The following ITPR2 variants were observed in gnomAD, a reference collection of about 807,000 sequenced individuals.
The protein encoded by ITPR2 is inositol 1,4,5-trisphosphate receptor type 2.
In ITPR2, 207 loss-of-function variants were observed where a neutral mutation model predicts 317.1. That is an observed-to-expected ratio of 0.65 (90% CI 0.58 to 0.73). The LOEUF (loss-of-function observed/expected upper bound fraction) is 0.73. Ranked by LOEUF, ITPR2 falls within the 30% of genes least tolerant of loss-of-function variation. The pLI, the probability that ITPR2 is intolerant of heterozygous loss-of-function variation, is 0.00. For missense variants in ITPR2, 2,613 were observed against 3,284.0 expected (o/e 0.80, Z 4.99); for synonymous variants, 1,156 against 1,149.1 (o/e 1.01, Z -0.12).
chr12:26,361,371 A>G (rs1327303248), intron 55 of ITPR2, among the ~76,000 whole-genome samples: 1 of 152,180 alleles, frequency 6.6e-6, no homozygotes, highest in East Asian at 1.9e-4. Context: ...ATCATATAAG[A>G]TTTATCACAA....
intron 46 of ITPR2, among the ~76,000 whole-genome samples, chr12:26,440,090 C>G (rs1352311734): frequency 6.6e-6 from 1 of 152,134 alleles, no homozygotes; most frequent in Middle Eastern, 3.2e-3. Context: ...CCCTTTGCCA[C>G]TGACTGGTGT....
chr12:26,497,059 T>C (rs1403255885), intron 37 of ITPR2, among the ~76,000 whole-genome samples: 1 of 126,602 alleles, frequency 7.9e-6, no homozygotes, highest in East Asian at 2.7e-4. Flanking sequence ...TCAAATGACA[T>C]GAAATCCTGC....
chr12:26,380,604 T>C (rs766845786), intron 55 of ITPR2, among the ~76,000 whole-genome samples: 5 of 152,240 alleles, frequency 3.3e-5, no homozygotes, highest in South Asian at 2.1e-4. Flanking sequence ...AGTTACATAA[T>C]TGGCTTAATG....
chr12:26,655,996 G>A (rs1432667418), intron 19 of ITPR2, 144 bp from the exon 20 acceptor site: 8 of 815,216 alleles, frequency 9.8e-6, no homozygotes, highest in Non-Finnish European at 1.5e-5. Context: ...GTAAAATGGG[G>A]CTATTGTGAA....
chr12:26,797,399 T>C (rs188044339), intron 1 of ITPR2, among the ~76,000 whole-genome samples: 2 of 152,326 alleles, frequency 1.3e-5, no homozygotes, highest in African/African-American at 4.8e-5. Flanking sequence ...TGATAAAATA[T>C]TAGTTGTATC....
In ITPR2 at chr12:26,832,696, G is replaced by A; in HGVS notation, c.86C>T (p.Thr29Ile). The A allele has an allele frequency of 6.3e-7, 1 of 1,597,580 alleles. No homozygotes were observed. The highest frequency in any genetic ancestry group is 8.5e-7 in the Non-Finnish European group (1 of 1,172,720). ...AEGSVNGFIS[T>I]LGLVDDRCVV... ...GCCCTCGTCTCCCGCTTACCCCAAGGTGCTGATGAAGCCGTTGACCGAGCC... is the reference window on the plus strand; with the variant it reads ...GCCCTCGTCTCCCGCTTACCCCAAGATGCTGATGAAGCCGTTGACCGAGCC... The change falls in exon 1 of 57, where the codon ACC becomes ATC. Residue 29 changes from threonine (T) to isoleucine (I), a missense_variant. Thr to Ile is a moderately conservative substitution (Grantham distance 89). This residue lies in a region of ITPR2 where 515 missense variants were observed against 789.4 expected (regional missense o/e 0.65). Transcript: ENST00000381340.
chr12:26,591,218 A>C (rs1387947645), intron 32 of ITPR2, among the ~76,000 whole-genome samples: 1 of 152,158 alleles, frequency 6.6e-6, no homozygotes, highest in Non-Finnish European at 1.5e-5. Context: ...ATCTATAAGG[A>C]CCTCAAACAA....
chr12:26,731,473 C>G (rs899568250), intron 2 of ITPR2, among the ~76,000 whole-genome samples: 1 of 152,130 alleles, frequency 6.6e-6, no homozygotes, highest in Non-Finnish European at 1.5e-5. Flanking sequence ...GGATAAGGGG[C>G]AGGCAGACAA....
chr12:26,375,493 GAA>G (rs1429942581), intron 55 of ITPR2, among the ~76,000 whole-genome samples: 1 of 152,216 alleles, frequency 6.6e-6, no homozygotes, highest in African/African-American at 2.4e-5. Flanking sequence ...ACTGGCTAAT[GAA>G]AAGTCAACAT....
chr12:26,492,641 G>A (rs896953520), intron 39 of ITPR2, among the ~76,000 whole-genome samples: 1 of 152,114 alleles, frequency 6.6e-6, no homozygotes, highest in Non-Finnish European at 1.5e-5. Flanking sequence ...ATTGATAAGT[G>A]AAATAGTGGA....
intron 1 of ITPR2, among the ~76,000 whole-genome samples, chr12:26,802,889 A>G (rs2067116494): frequency 6.6e-6 from 1 of 152,162 alleles, no homozygotes; most frequent in Admixed American, 6.5e-5. Context: ...GCAAACTGAC[A>G]AAATTTGTAA....
intron 14 of ITPR2, among the ~76,000 whole-genome samples, chr12:26,664,873 T>G (rs1947587764): frequency 6.6e-6 from 1 of 152,176 alleles, no homozygotes; most frequent in African/African-American, 2.4e-5. Flanking sequence ...TTTTGTATTT[T>G]CAGACAATCA....
At chr12:26,469,384 C>G (rs1371491676) in intron 45 of ITPR2, among the ~76,000 whole-genome samples, 1 of 152,232 alleles carries the variant, frequency 6.6e-6, no homozygotes, top group East Asian at 1.9e-4. Context: ...TTTAAATATG[C>G]CAAGTTCATT....
At chr12:26,654,963 A>G (rs1565668737) in intron 20 of ITPR2, among the ~76,000 whole-genome samples, 1 of 152,180 alleles carries the variant, frequency 6.6e-6, no homozygotes, top group African/African-American at 2.4e-5. Flanking sequence ...CAGGTTCCTG[A>G]CCCATAGAAG....
chr12:26,340,170 C>A lies in ITPR2; in HGVS notation c.8016G>T (p.Glu2672Asp). ...QLSGQLAELK[E>D]QMTEQRKNKQ... is the part of the protein sequence containing the mutation. ...CCATCTCCCTGAATGCACCCACCTG[C>A]TCCTTGAGCTCCGCCAGCTGACCCG... The change falls in exon 56 of 57, where the codon GAG becomes GAT. Residue 2672 changes from glutamate to aspartate, a missense_variant. Coordinates refer to ENST00000381340, the MANE Select transcript of ITPR2 (RefSeq NM_002223.4). 1 of 1,602,470 alleles carries A rather than the reference C, an allele frequency of 6.2e-7. No individual in the cohort carries two copies. Among genetic ancestry groups the A allele is most frequent in the Non-Finnish European group, 8.5e-7 (1 of 1,174,642 alleles).
chr12:26,615,214 A>T (rs186837739), intron 26 of ITPR2, among the ~76,000 whole-genome samples: 24 of 152,234 alleles, frequency 1.6e-4, no homozygotes, highest in Admixed American at 1.6e-3. Context: ...TCTCAAGTAC[A>T]TCGGATCTCC....
At chr12:26,370,419 C>A (rs897153475) in intron 55 of ITPR2, among the ~76,000 whole-genome samples, 1 of 152,074 alleles carries the variant, frequency 6.6e-6, no homozygotes, top group African/African-American at 2.4e-5. Flanking sequence ...AAATTTTTAT[C>A]CACAGCCAGG....
intron 29 of ITPR2, among the ~76,000 whole-genome samples, chr12:26,599,783 T>A (rs759542879): frequency 6.6e-6 from 1 of 152,196 alleles, no homozygotes; most frequent in Non-Finnish European, 1.5e-5. Flanking sequence ...CATTGTCATT[T>A]GCATGTAAAA....
At chr12:26,590,097 C>T (rs982734958) in intron 32 of ITPR2, among the ~76,000 whole-genome samples, 1 of 151,606 alleles carries the variant, frequency 6.6e-6, no homozygotes, top group Non-Finnish European at 1.5e-5. Flanking sequence ...TGAAGGCTAT[C>T]AGAAAATATC....
Sources: gnomAD v4.1 joint callset for allele counts (sites outside exome capture counted in the v4.1 genomes callset) on GRCh38, gnomAD v4.1.1 for gene constraint, gnomAD v4.1.1 regional missense constraint, MANE v1.5 for transcripts, NCBI Gene and HGNC (gene_info 2026-07-23, HGNC 2026-07-21) for gene names.